COL8A1: variants seen among roughly 807,000 people sequenced by gnomAD.
COL8A1 encodes the protein collagen type VIII alpha 1 chain, also known as collagen alpha-1(VIII) chain.
A neutral mutation model predicts 42.7 loss-of-function variants in COL8A1; 21 were observed. The observed-to-expected ratio is 0.49, with a 90% CI of 0.35 to 0.71. The LOEUF is 0.71. Among genes scored for constraint, COL8A1 ranks in the 30% least tolerant of loss-of-function variants. The probability of loss-of-function intolerance (pLI) is 0.01; values close to 1 mark genes in which losing one functional copy is unlikely to be tolerated. For missense variants in COL8A1, 788 were observed against 962.4 expected (o/e 0.82, Z 2.40); for synonymous variants, 367 against 369.1 (o/e 0.99, Z 0.06).
At chr3:99,787,286 T>C (rs930255749) in intron 2 of COL8A1, among the ~76,000 whole-genome samples, 1 of 152,172 alleles carries the variant, frequency 6.6e-6, no homozygotes, top group African/African-American at 2.4e-5. Flanking sequence ...TGCTCAAATA[T>C]AGGAAGCCAT....
At chr3:99,639,844 C>G (rs1198293905) in intron 1 of COL8A1, among the ~76,000 whole-genome samples, 2 of 152,176 alleles carry the variant, frequency 1.3e-5, no homozygotes, top group Non-Finnish European at 2.9e-5. Flanking sequence ...AGTCAGGAAA[C>G]CAAACCACTC....
At chr3:99,749,082 C>T (rs1486449755) in intron 2 of COL8A1, among the ~76,000 whole-genome samples, 3 of 152,106 alleles carry the variant, frequency 2.0e-5, no homozygotes, top group Non-Finnish European at 4.4e-5. Flanking sequence ...ATTTTACATA[C>T]AATCCCTAAA....
intron 1 of COL8A1, among the ~76,000 whole-genome samples, chr3:99,695,681 T>G (rs1371464964): frequency 6.6e-6 from 1 of 152,120 alleles, no homozygotes; most frequent in Non-Finnish European, 1.5e-5. Context: ...ATTGCCACAA[T>G]TTTTCATCAT....
At chr3:99,667,116 C>T (rs973300015) in intron 1 of COL8A1, among the ~76,000 whole-genome samples, 9 of 152,116 alleles carry the variant, frequency 5.9e-5, no homozygotes, top group Non-Finnish European at 1.3e-4. Context: ...TAGTCAATGA[C>T]AAAACCTAAA....
chr3:99,789,570 G>A (rs1402069339), intron 2 of COL8A1, among the ~76,000 whole-genome samples: 1 of 152,106 alleles, frequency 6.6e-6, no homozygotes, highest in African/African-American at 2.4e-5. Flanking sequence ...GTGTGCATTT[G>A]CCAACAATGC....
intron 1 of COL8A1, among the ~76,000 whole-genome samples, chr3:99,712,588 A>G (rs1490152660): frequency 6.6e-6 from 1 of 152,160 alleles, no homozygotes; most frequent in Non-Finnish European, 1.5e-5. Flanking sequence ...TCTGCCCCAT[A>G]TCTGCAGAGA....
intron 1 of COL8A1, among the ~76,000 whole-genome samples, chr3:99,696,245 T>C (rs1939363065): frequency 6.6e-6 from 1 of 152,226 alleles, no homozygotes; most frequent in African/African-American, 2.4e-5. Context: ...TGACATCTGA[T>C]AGACTAAACA....
rs1398385458 is a variant in COL8A1, at chr3:99,796,287, T to A, written c.*151T>A. Reference sequence around the variant, plus strand: ...GAAAATTTGGACCATTGTGTACAAATAAAAACTAAGATGCATGTTTAATAC... The same window carrying A: ...GAAAATTTGGACCATTGTGTACAAAAAAAAACTAAGATGCATGTTTAATAC... On this transcript the variant is annotated 3_prime_UTR_variant, in exon 4 of 4. Coordinates refer to ENST00000652472, the MANE Select transcript of COL8A1 (RefSeq NM_020351.4). The A allele has an allele frequency of 6.7e-6, 4 of 599,150 alleles. No homozygotes were observed. The highest frequency in any genetic ancestry group is 1.8e-5 in the African/African-American group (1 of 54,410). 37.1% of individuals were successfully genotyped at this position (599,150 alleles called of 1,614,324 possible). A position where few individuals can be genotyped will look rare whatever the true frequency, so the allele number is the denominator to read the frequency against.
chr3:99,683,438 A>C (rs996421993), intron 1 of COL8A1, among the ~76,000 whole-genome samples: 4 of 152,212 alleles, frequency 2.6e-5, no homozygotes, highest in Non-Finnish European at 2.9e-5. Flanking sequence ...ACTAAGACGT[A>C]TTTCATTGAA....
At chr3:99,734,145 T>A (rs1295532578) in intron 1 of COL8A1, among the ~76,000 whole-genome samples, 3 of 151,276 alleles carry the variant, frequency 2.0e-5, no homozygotes, top group Non-Finnish European at 4.4e-5. Context: ...CAGAAGCTCT[T>A]TAGTTTAATT....
At chr3:99,701,389 C>A (rs751238760) in intron 1 of COL8A1, among the ~76,000 whole-genome samples, 2 of 152,150 alleles carry the variant, frequency 1.3e-5, no homozygotes, top group Admixed American at 6.5e-5. Flanking sequence ...CCTTAGAAAG[C>A]TTTACCCCTA....
intron 2 of COL8A1, among the ~76,000 whole-genome samples, chr3:99,783,690 A>T (rs1482385321): frequency 6.6e-6 from 1 of 152,250 alleles, no homozygotes; most frequent in African/African-American, 2.4e-5. Flanking sequence ...GAGAAGGAGA[A>T]GCAAGAACTT....
At position 99,795,899 on chromosome 3, in the gene COL8A1, C is replaced by G. The variant is rs776879409; in HGVS notation, c.1998C>G (p.His666Gln). The change falls in exon 4 of 4, where the codon CAC becomes CAG. Residue 666 changes from histidine to glutamine, a missense_variant. By Grantham distance (24) the His-to-Gln change is conservative. Transcript: ENST00000652472. The stretch of plus-strand genomic sequence containing the variant: ...CTGGTGTCTACTACTTTGCATACCA[C>G]GTTCACTGCAAGGGGGGCAACGTGT... ...EVPGVYYFAY[H>Q]VHCKGGNVWV... The G allele has an allele frequency of 5.6e-5, 91 of 1,614,074 alleles. No homozygotes were observed. Among genetic ancestry groups the G allele is most frequent in the Admixed American group, 1.5e-4 (9 of 60,008 alleles).
At chr3:99,730,613 CT>C (rs1272228376) in intron 1 of COL8A1, among the ~76,000 whole-genome samples, 2 of 152,088 alleles carry the variant, frequency 1.3e-5, no homozygotes, top group Admixed American at 6.6e-5. Flanking sequence ...TTTTTCAACA[CT>C]TTCAGTGTGA....
At chr3:99,739,885 G>GT (rs1166842004) in intron 1 of COL8A1, among the ~76,000 whole-genome samples, 3 of 152,160 alleles carry the variant, frequency 2.0e-5, no homozygotes, top group African/African-American at 7.2e-5. Context: ...CAGAAAATTT[G>GT]TTTTTTCTTT....
chr3:99,739,885 GTTTT>G (rs1166842004), intron 1 of COL8A1, among the ~76,000 whole-genome samples: 1 of 152,160 alleles, frequency 6.6e-6, no homozygotes, highest in Non-Finnish European at 1.5e-5. Flanking sequence ...CAGAAAATTT[GTTTT>G]TTCTTTTCTA....
chr3:99,716,326 G>C (rs1002815077), intron 1 of COL8A1, among the ~76,000 whole-genome samples: 3 of 152,022 alleles, frequency 2.0e-5, no homozygotes, highest in African/African-American at 7.2e-5. Context: ...TACAGCCTAT[G>C]AAACCTCACC....
At chr3:99,774,181 A>C (rs1283122890) in intron 2 of COL8A1, among the ~76,000 whole-genome samples, 1 of 151,382 alleles carries the variant, frequency 6.6e-6, no homozygotes, top group African/African-American at 2.4e-5. Flanking sequence ...AATTTTCTTC[A>C]CAAGTTATGA....
intron 2 of COL8A1, among the ~76,000 whole-genome samples, chr3:99,750,058 T>TTTTTTTTTTTTTTTTTTTTTG: frequency 7.4e-6 from 1 of 135,640 alleles, no homozygotes; most frequent in Admixed American, 7.4e-5. Flanking sequence ...TCTTTTTTTT[T>TTTTTTTTTTTTTTTTTTTTTG]TTTTTTTTTT....
Sources: gnomAD v4.1 joint callset for allele counts (sites outside exome capture counted in the v4.1 genomes callset) on GRCh38, gnomAD v4.1.1 for gene constraint, MANE v1.5 for transcripts, NCBI Gene and HGNC (gene_info 2026-07-23, HGNC 2026-07-21) for gene names.